The following CALCR variants were observed in gnomAD, a reference collection of about 807,000 sequenced individuals.
The protein encoded by CALCR is calcitonin receptor.
A neutral mutation model predicts 59.5 loss-of-function variants in CALCR; 47 were observed. That is an observed-to-expected ratio of 0.79 (90% confidence interval 0.63 to 1.01). The LOEUF is 1.01. Among genes scored for constraint, CALCR ranks in the 50% least tolerant of loss-of-function variants. CALCR has a pLI of 0.00. For synonymous variants in CALCR, 213 were observed against 211.3 expected (o/e 1.01, Z -0.07); for missense variants, 566 against 597.1 (o/e 0.95, Z 0.54).
At chr7:93,516,091 C>T (rs1801645186) in intron 2 of CALCR, among the ~76,000 whole-genome samples, 1 of 151,776 alleles carries the variant, frequency 6.6e-6, no homozygotes, top group Non-Finnish European at 1.5e-5. Context: ...GTGACCATAT[C>T]CCAGAGTCCT....
chr7:93,527,761 A>G (rs762745389), intron 2 of CALCR, among the ~76,000 whole-genome samples: 10 of 152,168 alleles, frequency 6.6e-5, no homozygotes, highest in Non-Finnish European at 1.0e-4. Flanking sequence ...CAACAGAAGC[A>G]CTTTACTCAA....
At chr7:93,492,797 GATC>G (rs1207035088) in intron 2 of CALCR, among the ~76,000 whole-genome samples, 2 of 151,302 alleles carry the variant, frequency 1.3e-5, no homozygotes, top group Non-Finnish European at 3.0e-5. Flanking sequence ...TTGATTGGGG[GATC>G]AGGGAGGGAA....
intron 2 of CALCR, among the ~76,000 whole-genome samples, chr7:93,564,317 G>A (rs1260974066): frequency 6.6e-6 from 1 of 152,110 alleles, no homozygotes; most frequent in African/African-American, 2.4e-5. Context: ...AGTGATAGAT[G>A]ACACTGGTCT....
At chr7:93,498,062 C>T (rs1801247888) in intron 2 of CALCR, among the ~76,000 whole-genome samples, 1 of 151,616 alleles carries the variant, frequency 6.6e-6, no homozygotes, top group Non-Finnish European at 1.5e-5. Flanking sequence ...AGAATTTCTA[C>T]TCTAAGACCC....
intron 2 of CALCR, among the ~76,000 whole-genome samples, chr7:93,534,648 C>T (rs548731725): frequency 1.3e-5 from 2 of 151,842 alleles, no homozygotes; most frequent in African/African-American, 4.8e-5. Context: ...GAGTATTAAA[C>T]TCATACCTAA....
intron 8 of CALCR, among the ~76,000 whole-genome samples, chr7:93,455,758 A>C (rs1030336398): frequency 1.3e-5 from 2 of 152,040 alleles, no homozygotes; most frequent in African/African-American, 2.4e-5. Flanking sequence ...TGATAACTGA[A>C]TTTACAGTTT....
chr7:93,553,843 G>T (rs529288949), intron 2 of CALCR, among the ~76,000 whole-genome samples: 39 of 152,186 alleles, frequency 2.6e-4, no homozygotes, highest in African/African-American at 9.4e-4. Flanking sequence ...CCAAAAGCAA[G>T]CAGGGATAGT....
chr7:93,513,911 CA>C (rs1801601174), intron 2 of CALCR, among the ~76,000 whole-genome samples: 3 of 151,134 alleles, frequency 2.0e-5, no homozygotes, highest in African/African-American at 7.3e-5. Context: ...ATTTCATTTC[CA>C]AAAATTATAT....
intron 3 of CALCR, among the ~76,000 whole-genome samples, chr7:93,481,234 T>C (rs1326442848): frequency 1.3e-5 from 2 of 151,794 alleles, no homozygotes; most frequent in African/African-American, 2.4e-5. Context: ...GATAAAGATG[T>C]TTTGTAGATT....
At chr7:93,521,763 T>C (rs935363956) in intron 2 of CALCR, among the ~76,000 whole-genome samples, 5 of 152,206 alleles carry the variant, frequency 3.3e-5, no homozygotes, top group African/African-American at 1.2e-4. Flanking sequence ...TATCTATTAA[T>C]ACTATTTTAT....
intron 8 of CALCR, among the ~76,000 whole-genome samples, chr7:93,457,600 G>T (rs867783546): frequency 2.0e-5 from 3 of 152,066 alleles, no homozygotes; most frequent in Non-Finnish European, 4.4e-5. Context: ...ATTCAAAAAC[G>T]GAAGCCTCAT....
At chr7:93,485,131 A>G (rs1362960988) in intron 3 of CALCR, among the ~76,000 whole-genome samples, 3 of 151,786 alleles carry the variant, frequency 2.0e-5, no homozygotes, top group Non-Finnish European at 4.4e-5. Flanking sequence ...GAAAATGGAC[A>G]TATCAAATTT....
Position 93,425,145 on chromosome 7 carries a change from A to C in CALCR, c.*1211T>G, listed in dbSNP as rs904424809. On this transcript the variant is annotated 3_prime_UTR_variant, in exon 14 of 14. Coordinates refer to ENST00000426151, the MANE Select transcript of CALCR (RefSeq NM_001742.4). ...GATTTTCAAAAATCTTATACTGGGA[A>C]GTAAAGAGAGATATGATAATATAAT... 19 of 152,766 alleles carry C rather than the reference A, an allele frequency of 1.2e-4. No homozygotes were observed. Among genetic ancestry groups the C allele is most frequent in the African/African-American group, 4.6e-4 (19 of 41,578 alleles). 9.5% of individuals were successfully genotyped at this position (152,766 alleles called of 1,614,324 possible).
intron 7 of CALCR, among the ~76,000 whole-genome samples, chr7:93,467,952 A>C (rs1036209951): frequency 6.6e-6 from 1 of 151,680 alleles, no homozygotes; most frequent in Non-Finnish European, 1.5e-5. Context: ...CTAAAAAAAA[A>C]ATACACATAC....
chr7:93,428,659 C>T (rs998261515), intron 13 of CALCR, among the ~76,000 whole-genome samples: 1 of 151,804 alleles, frequency 6.6e-6, no homozygotes, highest in Admixed American at 6.6e-5. Context: ...AATTAGCCGG[C>T]GCCTGTAGTC....
intron 12 of CALCR, among the ~76,000 whole-genome samples, chr7:93,435,413 G>A (rs1167483685): frequency 6.6e-6 from 1 of 152,144 alleles, no homozygotes; most frequent in Non-Finnish European, 1.5e-5. Context: ...GGAATGACAG[G>A]AAAGCAGGCA....
chr7:93,504,466 T>C (rs1359971834), intron 2 of CALCR, among the ~76,000 whole-genome samples: 1 of 152,220 alleles, frequency 6.6e-6, no homozygotes, highest in Admixed American at 6.5e-5. Context: ...TCTTTAACCA[T>C]GTATTATTTC....
At chr7:93,460,568 A>ATATATATATATATATATATAT (rs1205349964) in intron 8 of CALCR, among the ~76,000 whole-genome samples, 1 of 80,030 alleles carries the variant, frequency 1.2e-5, no homozygotes, top group African/African-American at 9.1e-5. Flanking sequence ...AAAAAAAAAA[A>ATATATATATATATATATATAT]AAAAATATAT....
rs983409381 is a variant in CALCR, at chr7:93,424,712, G to A, written c.*1644C>T. On this transcript the variant is annotated 3_prime_UTR_variant, in exon 14 of 14. Coordinates refer to ENST00000426151, the MANE Select transcript of CALCR (RefSeq NM_001742.4). ...ATTTTAGCAATATATTATCACATTT[G>A]TACCACAGCTGCCAGAAATACTCTG... 1 of 152,458 alleles carries A rather than the reference G, an allele frequency of 6.6e-6. No individual in the cohort carries two copies. Among genetic ancestry groups the A allele is most frequent in the Non-Finnish European group, 1.5e-5 (1 of 67,980 alleles). 9.4% of individuals were successfully genotyped at this position (152,458 alleles called of 1,614,324 possible). A position where few individuals can be genotyped will look rare whatever the true frequency, so the allele number is the denominator to read the frequency against.
Sources: allele counts gnomAD v4.1 joint callset (sites outside exome capture counted in the v4.1 genomes callset), GRCh38; gene constraint gnomAD v4.1.1; transcripts MANE v1.5; gene names NCBI Gene and HGNC (gene_info 2026-07-23, HGNC 2026-07-21).